TMF1: variants seen among roughly 807,000 people sequenced by gnomAD.
TMF1 encodes TATA element modulatory factor 1.
Under a neutral mutation model 126.5 loss-of-function variants are expected in TMF1, and 71 were observed. The observed-to-expected ratio is 0.56, with a 90% CI of 0.46 to 0.68. The LOEUF (loss-of-function observed/expected upper bound fraction) is 0.68. Ranked by LOEUF, TMF1 falls within the 30% of genes least tolerant of loss-of-function variation. The probability of loss-of-function intolerance (pLI) is 0.00; values close to 1 mark genes in which losing one functional copy is unlikely to be tolerated. For synonymous variants in TMF1, 461 were observed against 430.5 expected (o/e 1.07, Z -0.88); for missense variants, 1,259 against 1,253.2 (o/e 1.00, Z -0.07).
chr3:69,021,684 T>TG lies in TMF1; in HGVS notation c.*1492dup, dbSNP rs2091738581. On this transcript the variant is annotated 3_prime_UTR_variant, in exon 17 of 17. Coordinates refer to ENST00000398559, the MANE Select transcript of TMF1 (RefSeq NM_007114.3). ...TTTAACTAAAAATTAAATAAGAGTT[T>TG]GTTTTTTTTTTTTTGAGACGGAGTC... 6.8e-6 allele frequency: 1 copy of TG among 147,984 alleles called. No homozygotes were observed. The highest frequency in any genetic ancestry group is 2.4e-5 in the African/African-American group (1 of 40,952). 9.2% of individuals were successfully genotyped at this position (147,984 alleles called of 1,614,324 possible). A position where few individuals can be genotyped will look rare whatever the true frequency, so the allele number is the denominator to read the frequency against.
intron 8 of TMF1, among the ~76,000 whole-genome samples, chr3:69,037,629 C>T (rs537399445): frequency 8.6e-5 from 13 of 151,886 alleles, no homozygotes; most frequent in Admixed American, 2.0e-4. Flanking sequence ...GCAACAAGAG[C>T]GAAACTCTGT....
rs752549954 is a variant in TMF1, at chr3:69,039,623, C to G, written c.1755G>C (p.Glu585Asp). 1 of 1,613,686 alleles carries G rather than the reference C, an allele frequency of 6.2e-7. No individual in the cohort carries two copies. The highest frequency in any genetic ancestry group is 8.5e-7 in the Non-Finnish European group (1 of 1,179,894). Residue 585 changes from glutamate to aspartate, a missense_variant, in exon 6 of 17, where the codon GAG (glutamate) becomes GAC (aspartate). Transcript: ENST00000398559. ...TCAGCTTTGCAACCATATTTTCATT[C>G]TCCTTGTCTTTAGCTCTTAATTTCT... Reference protein sequence around the residue: ...IIKKLRAKDKENENMVAKLNK... With the variant: ...IIKKLRAKDKDNENMVAKLNK...
chr3:69,037,467 T>A (rs1170736453), intron 8 of TMF1, among the ~76,000 whole-genome samples: 1 of 151,874 alleles, frequency 6.6e-6, no homozygotes, highest in Non-Finnish European at 1.5e-5. Flanking sequence ...TGGTGAAGCC[T>A]CGTCTCTACT....
intron 4 of TMF1, among the ~76,000 whole-genome samples, chr3:69,043,493 G>A (rs375446737): frequency 1.3e-5 from 2 of 152,158 alleles, no homozygotes; most frequent in African/African-American, 4.8e-5. Flanking sequence ...TTTTAGTAGA[G>A]GCAGGGTCTC....
chr3:69,051,473 TCAA>T (rs767302195), intron 1 of TMF1, among the ~76,000 whole-genome samples: 3 of 152,140 alleles, frequency 2.0e-5, no homozygotes, highest in Non-Finnish European at 4.4e-5. Flanking sequence ...AGACTCCGTC[TCAA>T]CAACAACATA....
rs983809809 is a variant in TMF1, at chr3:69,023,113, C to T, written c.*64G>A. On this transcript the variant is annotated 3_prime_UTR_variant, in exon 17 of 17. Transcript: ENST00000398559. ...TTCTATAAAAGAATTTATTGGAAGT[C>T]CACATTAAATGTTTAGATATTAAAT... The T allele has an allele frequency of 1.4e-6, 2 of 1,422,922 alleles. No homozygotes were observed. Among genetic ancestry groups the T allele is most frequent in the Non-Finnish European group, 1.9e-6 (2 of 1,041,782 alleles). The allele number at this position is 1,422,922 out of a possible 1,614,324, so 88.1% of individuals were successfully genotyped here.
chr3:69,025,721 A>C lies in TMF1; in HGVS notation c.2860-9T>G. 6.2e-7 allele frequency: 1 copy of C among 1,608,860 alleles called. No homozygotes were observed. Among genetic ancestry groups the C allele is most frequent in the Non-Finnish European group, 8.5e-7 (1 of 1,178,072 alleles). On this transcript the variant is annotated splice_polypyrimidine_tract_variant and intron_variant, in intron 14 of 16. Transcript: ENST00000398559. ...TGATCATGAGACTCATCCTATGTTA[A>C]TTAAGAAAGTTCACACAGTTACTCA...
Position 69,047,907 on chromosome 3 carries a change from A to C in TMF1, c.798T>G (p.Ser266Arg). ...TSDIEVLDHE[S>R]VISESSASSR... ...AGCTCGCTGAGCTCTCACTTATTAC[A>C]CTTTCATGATCTAAAACTTCAATAT... The change falls in exon 2 of 17, where the codon AGT (serine) becomes AGG (arginine). Residue 266 changes from serine to arginine, a missense_variant. Transcript: ENST00000398559. 6.2e-7 allele frequency: 1 copy of C among 1,613,858 alleles called. No individual in the cohort carries two copies.
In TMF1 at chr3:69,047,713, A is replaced by G. The variant is rs1237636861; in HGVS notation, c.992T>C (p.Val331Ala). ...DAFERIDSFS[V>A]QSLDSRSVSE... Reference sequence around the variant, plus strand: ...TACACTCCGGCTATCTAATGACTGTACACTAAATGAGTCTATTCTTTCAAA... The same window carrying G: ...TACACTCCGGCTATCTAATGACTGTGCACTAAATGAGTCTATTCTTTCAAA... The change falls in exon 2 of 17, where the codon GTA (valine) becomes GCA (alanine). Residue 331 changes from valine (V) to alanine (A), a missense_variant. Transcript: ENST00000398559. 6.2e-7 allele frequency: 1 copy of G among 1,614,122 alleles called. No individual in the cohort carries two copies. The highest frequency in any genetic ancestry group is 1.1e-5 in the South Asian group (1 of 91,080).
chr3:69,052,296 G>T lies in TMF1; in HGVS notation c.-210C>A, dbSNP rs954935345. 1.3e-5 allele frequency: 6 copies of T among 455,618 alleles called. No homozygotes were observed. The highest frequency in any genetic ancestry group is 2.3e-5 in the Non-Finnish European group (6 of 256,940). The allele number at this position is 455,618 out of a possible 1,614,324, so 28.2% of individuals were successfully genotyped here. A position where few individuals can be genotyped will look rare whatever the true frequency, so the allele number is the denominator to read the frequency against. ...AGACGAAGGGGGCCCATGTGCGCAT[G>T]CGCTTGCTTCTTCCACGTACACAGC... On this transcript the variant is annotated 5_prime_UTR_variant, in exon 1 of 17. Coordinates refer to ENST00000398559, the MANE Select transcript of TMF1 (RefSeq NM_007114.3).
At chr3:69,045,597 C>T (rs919078139) in intron 2 of TMF1, among the ~76,000 whole-genome samples, 3 of 151,630 alleles carry the variant, frequency 2.0e-5, no homozygotes, top group Non-Finnish European at 2.9e-5. Flanking sequence ...CTGACCAACA[C>T]GGTGAAACCC....
At chr3:69,031,716 T>C (rs1037105631) in intron 10 of TMF1, among the ~76,000 whole-genome samples, 3 of 152,210 alleles carry the variant, frequency 2.0e-5, no homozygotes, top group South Asian at 2.1e-4. Context: ...TCCACCAAAG[T>C]AGAGCTAGTA....
chr3:69,033,472 A>G (rs949831474), intron 10 of TMF1, 76 bp downstream of exon 10: 2 of 1,463,942 alleles, frequency 1.4e-6, no homozygotes, highest in Non-Finnish European at 9.1e-7. Flanking sequence ...ATGAATTTCA[A>G]TTTCATACCA....
intron 9 of TMF1, among the ~76,000 whole-genome samples, chr3:69,034,307 T>C (rs2091820796): frequency 6.6e-6 from 1 of 151,988 alleles, no homozygotes; most frequent in African/African-American, 2.4e-5. Context: ...ACCTCATCTC[T>C]ACTAAAAATA....
chr3:69,044,277 G>T (rs1368390878), intron 3 of TMF1, among the ~76,000 whole-genome samples: 3 of 152,184 alleles, frequency 2.0e-5, no homozygotes, highest in Non-Finnish European at 4.4e-5. Context: ...AAAGGAAAGA[G>T]TTTTCCAGTT....
chr3:69,047,213 G>C, intron 2 of TMF1, 145 bp downstream of exon 2: 1 of 881,682 alleles, frequency 1.1e-6, no homozygotes. Flanking sequence ...CAACTTCAAG[G>C]TACTTAATGC....
Position 69,048,243 on chromosome 3 carries a change from G to A in TMF1, c.462C>T (p.Asp154=). ...TTTCCCCTGAAACACACAAAGAAGAGTCTTTTACTTGTGATTCAGTTGTTT... is the reference window on the plus strand; with the variant it reads ...TTTCCCCTGAAACACACAAAGAAGAATCTTTTACTTGTGATTCAGTTGTTT... ...TPETTESQVK[D]SSLCVSGETL... Residue 154 remains aspartate (D), a synonymous_variant, in exon 2 of 17, where the codon GAC becomes GAT. Transcript: ENST00000398559. The A allele has an allele frequency of 6.2e-7, 1 of 1,614,196 alleles. No homozygotes were observed. Among genetic ancestry groups the A allele is most frequent in the East Asian group, 2.2e-5 (1 of 44,882 alleles).
chr3:69,027,457 A>G (rs2091775289), intron 13 of TMF1, among the ~76,000 whole-genome samples: 1 of 152,206 alleles, frequency 6.6e-6, no homozygotes, highest in Non-Finnish European at 1.5e-5. Flanking sequence ...TTCAAGTCCT[A>G]GAAATCATAG....
In TMF1 at chr3:69,052,038, G is replaced by C; in HGVS notation, c.49C>G (p.Leu17Val). The stretch of plus-strand genomic sequence containing the variant: ...TCAATAGACTTCTGGGCCTGGGACA[G>C]GGCCTGCTTAGCGAAGCTGGAGAGC... ...SQLSSFAKQA[L>V]SQAQKSIDRV... The change falls in exon 1 of 17, where the codon CTG (leucine) becomes GTG (valine). Residue 17 changes from leucine (L) to valine (V), a missense_variant. Physicochemically the swap from Leu to Val is conservative, Grantham distance 32. Coordinates refer to ENST00000398559, the MANE Select transcript of TMF1 (RefSeq NM_007114.3). The C allele has an allele frequency of 6.2e-7, 1 of 1,613,786 alleles. No individual in the cohort carries two copies. The highest frequency in any genetic ancestry group is 8.5e-7 in the Non-Finnish European group (1 of 1,179,886).
Sources: gnomAD v4.1 joint callset for allele counts (sites outside exome capture counted in the v4.1 genomes callset) on GRCh38, gnomAD v4.1.1 for gene constraint, MANE v1.5 for transcripts, NCBI Gene and HGNC (gene_info 2026-07-23, HGNC 2026-07-21) for gene names.